Variants in MLXIPL observed in about 807,000 individuals in gnomAD.
The protein encoded by MLXIPL is MLX interacting protein like.
MLXIPL carries 49 observed loss-of-function variants against 81.5 expected under a neutral mutation model. That is an observed-to-expected ratio of 0.60 (90% CI 0.48 to 0.76). The LOEUF (loss-of-function observed/expected upper bound fraction) is 0.76. Among genes scored for constraint, MLXIPL ranks in the 30% least tolerant of loss-of-function variants. MLXIPL has a pLI of 0.00. For synonymous variants in MLXIPL, 466 were observed against 485.5 expected (o/e 0.96, Z 0.53); for missense variants, 1,053 against 1,167.0 (o/e 0.90, Z 1.42).
At position 73,596,587 on chromosome 7, in the gene MLXIPL, C is replaced by T; in HGVS notation, c.1822+52G>A. ...AGACCCAGTCCCCTTCTTCTTCCTC[C>T]TCTTCCCCTCATCCCCTAGATTCCC... is the stretch of plus-strand genomic sequence containing the variant. On this transcript the variant is annotated intron_variant, in intron 11 of 16. Transcript: ENST00000313375. The surrounding 1 kb of genome is among the most constrained non-coding windows in gnomAD (Gnocchi z 4.7). The T allele has an allele frequency of 6.2e-7, 1 of 1,600,898 alleles. No individual in the cohort carries two copies. Among genetic ancestry groups the T allele is most frequent in the Non-Finnish European group, 8.5e-7 (1 of 1,174,046 alleles).
Position 73,596,087 on chromosome 7 carries a change from TGGGTGG to T in MLXIPL, c.2058+60_2058+65del. On this transcript the variant is annotated intron_variant, in intron 13 of 16. Transcript: ENST00000313375. This position sits in a 1 kb window ranked among gnomAD's most constrained non-coding sequence, Gnocchi z 4.7. ...GGAGCACTCCCCTGCAATTGAGTTTTGGGTGGGGGGGGTCCAGAAAGGGGCCCTGTG... is the reference window on the plus strand; with the variant it reads ...GGAGCACTCCCCTGCAATTGAGTTTTGGGGGGTCCAGAAAGGGGCCCTGTG... 2 of 1,598,302 alleles carry T rather than the reference TGGGTGG, an allele frequency of 1.3e-6. No homozygotes were observed. Among genetic ancestry groups the T allele is most frequent in the Non-Finnish European group, 1.7e-6 (2 of 1,174,998 alleles).
the MLXIPL span, among the ~76,000 whole-genome samples, chr7:73,647,894 C>G: frequency 6.6e-6 from 1 of 151,126 alleles, no homozygotes; most frequent in Non-Finnish European, 1.5e-5. Context: ...TCCGCGCGGG[C>G]GGCAGAGGGC....
chr7:73,627,982 TTTC>T (rs1423482342), upstream of MLXIPL, among the ~76,000 whole-genome samples: 1 of 150,618 alleles, frequency 6.6e-6, no homozygotes. Flanking sequence ...GCTTTCTTTC[TTTC>T]TTCTTCTTTT....
In MLXIPL at chr7:73,594,413, G is replaced by A. The variant is rs1794101198; in HGVS notation, c.2311-10C>T. 1 of 1,600,710 alleles carries A rather than the reference G, an allele frequency of 6.2e-7. No homozygotes were observed. ...GGATGAGGATGCTGAACTGGGCCCAGGTCAAGGAGCTGCCTGTGGTCCAGC... is the reference window on the plus strand; with the variant it reads ...GGATGAGGATGCTGAACTGGGCCCAAGTCAAGGAGCTGCCTGTGGTCCAGC... On this transcript the variant is annotated splice_polypyrimidine_tract_variant and intron_variant, in intron 15 of 16. Transcript: ENST00000313375.
chr7:73,624,737 G>A (rs1554603347), upstream of MLXIPL, among the ~76,000 whole-genome samples: 1 of 152,116 alleles, frequency 6.6e-6, no homozygotes, highest in Admixed American at 6.6e-5. Flanking sequence ...TGATAGAGCC[G>A]CCCCTACTTT....
rs141307338 is a variant in MLXIPL at position 73,599,618 on chromosome 7, C to T, written c.979G>A (p.Val327Ile). The T allele has an allele frequency of 1.3e-5, 21 of 1,610,958 alleles. No individual in the cohort carries two copies. Among genetic ancestry groups the T allele is most frequent in the Non-Finnish European group, 1.8e-5 (21 of 1,178,260 alleles). The change falls in exon 8 of 17, where the codon GTT (valine) becomes ATT (isoleucine). Residue 327 changes from valine (V) to isoleucine (I), a missense_variant. By Grantham distance (29) the Val-to-Ile change is conservative. This residue lies in a region of MLXIPL where 823 missense variants were observed against 933.0 expected (regional missense o/e 0.88). Transcript: ENST00000313375. ...GTCCCACTGCTGAAGAGGGAGTCAA[C>T]CACGGGGCTGAAGCTGGGGGGCTCT... ...FPEPPSFSPV[V>I]DSLFSSGTLG...
At position 73,594,341 on chromosome 7, in the gene MLXIPL, C is replaced by T. The variant is rs781962807; in HGVS notation, c.2373G>A (p.Val791=). 1 of 1,610,468 alleles carries T rather than the reference C, an allele frequency of 6.2e-7. No homozygotes were observed. Among genetic ancestry groups the T allele is most frequent in the Non-Finnish European group, 8.5e-7 (1 of 1,179,982 alleles). Residue 791 remains valine, a synonymous_variant, in exon 16 of 17, where the codon GTG becomes GTA. Transcript: ENST00000313375. The stretch of plus-strand genomic sequence containing the variant: ...CCAGTGAGGTCTGGCGGAGGGTGTG[C>T]ACACTTGCCGTGGACACCATCCCGT... The part of the protein sequence containing the change: ...SFNGMVSTAS[V]HTLRQTSLAW...
At chr7:73,607,238 C>T in intron 4 of MLXIPL, 93 bp downstream of exon 4, 1 of 1,380,184 alleles carries the variant, frequency 7.2e-7, no homozygotes, top group Non-Finnish European at 1.0e-6. Flanking sequence ...GCTCGGGGGT[C>T]AGGATCCCCT....
chr7:73,631,426 G>A, the MLXIPL span, among the ~76,000 whole-genome samples: 98 of 152,124 alleles, frequency 6.4e-4, no homozygotes, highest in Admixed American at 2.9e-3. Flanking sequence ...TGACACGGAA[G>A]TGTATATGTT....
chr7:73,606,289 C>T (rs1179050045), intron 5 of MLXIPL, 178 bp from the exon 6 acceptor site: 3 of 660,246 alleles, frequency 4.5e-6, no homozygotes, highest in Admixed American at 2.4e-5. Context: ...CTCCATTGGC[C>T]TCTAAGAACT....
chr7:73,628,199 G>A (rs935481226), upstream of MLXIPL, among the ~76,000 whole-genome samples: 1 of 152,082 alleles, frequency 6.6e-6, no homozygotes, highest in Admixed American at 6.6e-5. Flanking sequence ...TCACCCCACC[G>A]TGCTCTCCCC....
Position 73,595,987 on chromosome 7 carries a change from G to T in MLXIPL, c.2059-18C>A. The T allele has an allele frequency of 6.2e-7, 1 of 1,611,930 alleles. No individual in the cohort carries two copies. On this transcript the variant is annotated intron_variant, in intron 13 of 16. Transcript: ENST00000313375. ...TTGCTCACCTGCAGACGCCACCAGGGGGGCTCAGGCAGGTGCTAGAGGCTG... is the reference window on the plus strand; with the variant it reads ...TTGCTCACCTGCAGACGCCACCAGGTGGGCTCAGGCAGGTGCTAGAGGCTG...
intron 5 of MLXIPL, 189 bp from the exon 6 acceptor site, chr7:73,606,300 TC>T: frequency 1.6e-6 from 1 of 640,006 alleles, no homozygotes; most frequent in Non-Finnish European, 2.8e-6. Context: ...TCTAAGAACT[TC>T]CCCCAGGAGA....
chr7:73,598,723 A>T (rs1794548583), intron 8 of MLXIPL, among the ~76,000 whole-genome samples: 1 of 152,134 alleles, frequency 6.6e-6, no homozygotes, highest in African/African-American at 2.4e-5. Flanking sequence ...TCACTGTCTG[A>T]TGGAGGAGAG....
intron 2 of MLXIPL, among the ~76,000 whole-genome samples, chr7:73,612,503 G>A (rs979782176): frequency 9.9e-5 from 15 of 151,952 alleles, no homozygotes; most frequent in South Asian, 6.2e-4. Context: ...TTAGCCGGGC[G>A]TGGTGGTGCG....
chr7:73,596,488 G>T lies in MLXIPL; in HGVS notation c.1823-9C>A. On this transcript the variant is annotated splice_polypyrimidine_tract_variant and intron_variant, in intron 11 of 16. Transcript: ENST00000313375. This position sits in a 1 kb window ranked among gnomAD's most constrained non-coding sequence, Gnocchi z 4.7. ...CAGCCGCCGTTCACTGCCTGTGGTA[G>T]GGACAGACAGACCCACAGAAAGACC... 6.2e-7 allele frequency: 1 copy of T among 1,612,786 alleles called. No homozygotes were observed. The highest frequency in any genetic ancestry group is 8.5e-7 in the Non-Finnish European group (1 of 1,179,884).
In MLXIPL at chr7:73,596,471, G is replaced by A. The variant is rs377150741; in HGVS notation, c.1831C>T (p.Arg611Trp). 29 of 1,612,790 alleles carry A rather than the reference G, an allele frequency of 1.8e-5. No individual in the cohort carries two copies. Among genetic ancestry groups the A allele is most frequent in the Admixed American group, 3.3e-5 (2 of 59,986 alleles). The change falls in exon 12 of 17, where the codon CGG (arginine) becomes TGG (tryptophan). Residue 611 changes from arginine (R) to tryptophan (W), a missense_variant. This residue lies in a region of MLXIPL where 823 missense variants were observed against 933.0 expected (regional missense o/e 0.88). Coordinates refer to ENST00000313375, the MANE Select transcript of MLXIPL (RefSeq NM_032951.3). This position sits in a 1 kb window ranked among gnomAD's most constrained non-coding sequence, Gnocchi z 4.7. ...LSPPAPSGSE[R>W]RLSGDLSSMP... ...GAGCTGAGGTCCCCTGACAGCCGCC[G>A]TTCACTGCCTGTGGTAGGGACAGAC...
intron 2 of MLXIPL, among the ~76,000 whole-genome samples, chr7:73,615,340 G>A (rs1162177477): frequency 1.3e-5 from 2 of 152,148 alleles, no homozygotes; most frequent in South Asian, 2.1e-4. Flanking sequence ...AGACCCATGC[G>A]GGATCCTCAG....
chr7:73,620,391 G>T (rs1164967960), intron 1 of MLXIPL, among the ~76,000 whole-genome samples: 1 of 151,684 alleles, frequency 6.6e-6, no homozygotes, highest in Non-Finnish European at 1.5e-5. Flanking sequence ...GTGTCACAGC[G>T]AGACTCTGTC....
Sources: gnomAD v4.1 joint callset for allele counts (sites outside exome capture counted in the v4.1 genomes callset) on GRCh38, gnomAD v4.1.1 for gene constraint, gnomAD v4.1.1 regional missense constraint, Gnocchi (gnomAD v3.1) non-coding constraint, MANE v1.5 for transcripts, NCBI Gene and HGNC (gene_info 2026-07-23, HGNC 2026-07-21) for gene names.